VWA5B1: variants seen among roughly 807,000 people sequenced by gnomAD.
The protein encoded by VWA5B1 is von Willebrand factor A domain-containing protein 5B1.
A neutral mutation model predicts 118.2 loss-of-function variants in VWA5B1; 115 were observed. That is an observed-to-expected ratio of 0.97 (90% CI 0.84 to 1.14). The LOEUF (loss-of-function observed/expected upper bound fraction) is 1.14, where lower values mean the gene tolerates loss of function less well. VWA5B1 is among the 50% of genes most tolerant of loss of function. The pLI is 0.00. For missense variants in VWA5B1, 1,596 were observed against 1,603.8 expected (o/e 1.00, Z 0.08); for synonymous variants, 682 against 658.4 (o/e 1.04, Z -0.55).
At position 20,330,935 on chromosome 1, in the gene VWA5B1, C is replaced by T. The variant is rs368998968; in HGVS notation, c.1524C>T (p.Ser508=). The change falls in exon 11 of 22, where the codon TCC becomes TCT. Residue 508 remains serine (S), a synonymous_variant. Transcript: ENST00000289815. Reference sequence around the variant, plus strand: ...TGGTGAAAGGACTGGCATCTGTGTCCGAGGGCAGTGCTGAGCTCCTGATGG... The same window carrying T: ...TGGTGAAAGGACTGGCATCTGTGTCTGAGGGCAGTGCTGAGCTCCTGATGG... ...HRLVKGLASV[S]EGSAELLMEG... The T allele has an allele frequency of 5.2e-5, 80 of 1,551,578 alleles. No homozygotes were observed. The African/African-American group carries it at 6.4e-4, about 12-fold the overall frequency.
At chr1:20,296,217 C>A (rs1321142089) in intron 1 of VWA5B1, among the ~76,000 whole-genome samples, 1 of 152,162 alleles carries the variant, frequency 6.6e-6, no homozygotes, top group Non-Finnish European at 1.5e-5. Context: ...ATAGACTGTC[C>A]ACTTACAAAA....
intron 4 of VWA5B1, 100 bp downstream of exon 4, chr1:20,314,692 A>C (rs1187548809): frequency 6.8e-7 from 1 of 1,477,968 alleles, no homozygotes; most frequent in Non-Finnish European, 9.0e-7. Flanking sequence ...GACAGGGAGG[A>C]GATGGGGAGG....
intron 1 of VWA5B1, among the ~76,000 whole-genome samples, chr1:20,309,400 G>A (rs2088772083): frequency 6.6e-6 from 1 of 152,214 alleles, no homozygotes; most frequent in Admixed American, 6.5e-5. Flanking sequence ...TCCCTGCAGA[G>A]GGGACCCAAG....
At chr1:20,307,810 C>CT (rs11348747) in intron 1 of VWA5B1, among the ~76,000 whole-genome samples, 8,427 of 145,240 alleles carry the variant, frequency 0.058, 765 homozygotes, top group African/African-American at 0.19. Context: ...TTCTGACATT[C>CT]TTTTTTTTTT....
At chr1:20,291,896 G>C (rs886795543) in intron 1 of VWA5B1, among the ~76,000 whole-genome samples, 2 of 152,148 alleles carry the variant, frequency 1.3e-5, no homozygotes, top group Non-Finnish European at 2.9e-5. Context: ...CCACCATAAC[G>C]TCTGCGGCAG....
rs575933900 is a variant in VWA5B1, at chr1:20,303,876, C to T, written c.-26-6700C>T. Among the ~76,000 whole-genome samples, 19 of 152,332 alleles carry T rather than the reference C, an allele frequency of 1.2e-4. No homozygotes were observed. In the South Asian group the frequency reaches 3.5e-3, roughly 28 times the overall value. Reference sequence around the variant, plus strand: ...AATCTCTTCCCTCCTGTGCTCAGCACGAACTGGGAAGCAGCCTGAGCAGGG... The same window carrying T: ...AATCTCTTCCCTCCTGTGCTCAGCATGAACTGGGAAGCAGCCTGAGCAGGG... On this transcript the variant is annotated intron_variant, in intron 1 of 21. Coordinates refer to ENST00000289815, the MANE Select transcript of VWA5B1 (RefSeq NM_001039500.3).
intron 11 of VWA5B1, among the ~76,000 whole-genome samples, chr1:20,331,450 T>C (rs2089552592): frequency 6.6e-6 from 1 of 152,158 alleles, no homozygotes; most frequent in Admixed American, 6.5e-5. Context: ...AAGACAGGGC[T>C]GGGATTAAGA....
intron 8 of VWA5B1, among the ~76,000 whole-genome samples, chr1:20,325,234 C>A (rs1454202972): frequency 6.6e-6 from 1 of 152,194 alleles, no homozygotes; most frequent in African/African-American, 2.4e-5. Context: ...CTAAAAAATT[C>A]TCTTCTCTGA....
At position 20,337,815 on chromosome 1, in the gene VWA5B1, GC is replaced by G. The variant is rs1355102940; in HGVS notation, c.2113del (p.Arg705GlyfsTer10). ...CCAACCAGACCAGCCTGGATGTCCA[GC>G]GGTGGCAGATTGATTTGCAGGTACC... is the stretch of plus-strand genomic sequence containing the variant. ...LTNQTSLDVQ[R>X]WQIDLQPLLN... is the part of the protein sequence containing the mutation. On this transcript the variant is annotated frameshift_variant, in exon 14 of 22. Transcript: ENST00000289815. LOFTEE classifies it high-confidence loss of function. The G allele has an allele frequency of 1.3e-6, 2 of 1,551,804 alleles. No individual in the cohort carries two copies. Among genetic ancestry groups the G allele is most frequent in the Middle Eastern group, 3.3e-4 (2 of 5,992 alleles).
Position 20,330,989 on chromosome 1 carries a change from C to T in VWA5B1, c.1572+6C>T, listed in dbSNP as rs1480438671. On this transcript the variant is annotated splice_donor_region_variant and intron_variant, in intron 11 of 21. Coordinates refer to ENST00000289815, the MANE Select transcript of VWA5B1 (RefSeq NM_001039500.3). ...GGGAGCGGCTGCAACCCAAGGTAGG[C>T]AGCAGAACCCACGCAGTCCCTTCTG... is the stretch of plus-strand genomic sequence containing the variant. 2 of 1,541,194 alleles carry T rather than the reference C, an allele frequency of 1.3e-6. No homozygotes were observed. The highest frequency in any genetic ancestry group is 2.4e-5 in the East Asian group (1 of 40,858).
chr1:20,307,553 G>T (rs926507059), intron 1 of VWA5B1, among the ~76,000 whole-genome samples: 2 of 152,196 alleles, frequency 1.3e-5, no homozygotes, highest in African/African-American at 4.8e-5. Flanking sequence ...GATAATATAT[G>T]TGCCTGGCAC....
intron 4 of VWA5B1, among the ~76,000 whole-genome samples, chr1:20,317,271 C>T (rs964249763): frequency 2.0e-5 from 3 of 152,050 alleles, no homozygotes; most frequent in African/African-American, 7.2e-5. Flanking sequence ...CCCAGAGCTG[C>T]GGTGAGAACG....
intron 1 of VWA5B1, among the ~76,000 whole-genome samples, chr1:20,306,343 C>T (rs573105227): frequency 6.6e-6 from 1 of 151,626 alleles, no homozygotes; most frequent in Non-Finnish European, 1.5e-5. Flanking sequence ...TCAATGGGGG[C>T]TTGAGGGACG....
intron 17 of VWA5B1, among the ~76,000 whole-genome samples, chr1:20,346,033 A>G (rs1289866476): frequency 6.6e-6 from 1 of 152,202 alleles, no homozygotes; most frequent in Non-Finnish European, 1.5e-5. Flanking sequence ...AAGACAGATC[A>G]TTTTACATGA....
At chr1:20,302,216 A>G (rs942884834) in intron 1 of VWA5B1, among the ~76,000 whole-genome samples, 1 of 152,048 alleles carries the variant, frequency 6.6e-6, no homozygotes, top group African/African-American at 2.4e-5. Flanking sequence ...AAGCCTGAGC[A>G]TTCTGTGCCT....
In VWA5B1 at chr1:20,343,167, C is replaced by T; in HGVS notation, c.2400C>T (p.Ser800=). The stretch of plus-strand genomic sequence containing the variant: ...AGTCCCAGGAGCGAGCCAGTCCCAG[C>T]AGGCCCGCCACCCCGGCCCCGGTGC... The part of the protein sequence containing the change: ...PAESQERASP[S]RPATPAPVLG... Residue 800 remains serine, a synonymous_variant, in exon 16 of 22, where the codon AGC becomes AGT. Coordinates refer to ENST00000289815, the MANE Select transcript of VWA5B1 (RefSeq NM_001039500.3). 6.5e-7 allele frequency: 1 copy of T among 1,549,224 alleles called. No individual in the cohort carries two copies. The highest frequency in any genetic ancestry group is 1.4e-5 in the African/African-American group (1 of 73,128).
intron 16 of VWA5B1, among the ~76,000 whole-genome samples, chr1:20,343,665 A>AC (rs1265988413): frequency 8.5e-5 from 1 of 11,834 alleles, no homozygotes; most frequent in African/African-American, 4.0e-4. Flanking sequence ...CGCACACCCC[A>AC]CCCCTCCATG....
chr1:20,333,615 G>A (rs957311881), intron 12 of VWA5B1, among the ~76,000 whole-genome samples: 3 of 152,234 alleles, frequency 2.0e-5, no homozygotes, highest in South Asian at 4.1e-4. Context: ...AAGAACAAAT[G>A]CACTCAGATT....
chr1:20,317,504 C>T, intron 4 of VWA5B1, 26 bp from the exon 5 acceptor site: 2 of 1,549,472 alleles, frequency 1.3e-6, no homozygotes, highest in East Asian at 2.4e-5. Context: ...GGCTGGTCTC[C>T]TTTCCTTCCC....
Sources: allele counts gnomAD v4.1 joint callset (sites outside exome capture counted in the v4.1 genomes callset), GRCh38; gene constraint gnomAD v4.1.1; transcripts MANE v1.5; gene names NCBI Gene and HGNC (gene_info 2026-07-23, HGNC 2026-07-21).